The following NAALADL2 variants were observed in gnomAD, a reference collection of about 807,000 sequenced individuals.
NAALADL2 encodes N-acetylated alpha-linked acidic dipeptidase like 2.
NAALADL2 carries 76 observed loss-of-function variants against 87.2 expected under a neutral mutation model. That is an observed-to-expected ratio of 0.87 (90% CI 0.72 to 1.05). NAALADL2 has a LOEUF of 1.05. Among genes scored for constraint, NAALADL2 ranks in the 50% least tolerant of loss-of-function variants. The pLI, the probability that NAALADL2 is intolerant of heterozygous loss-of-function variation, is 0.00. For synonymous variants in NAALADL2, 354 were observed against 331.0 expected (o/e 1.07, Z -0.75); for missense variants, 1,089 against 945.8 (o/e 1.15, Z -1.99).
At chr3:174,687,115 G>C (rs549402) in intron 2 of NAALADL2, among the ~76,000 whole-genome samples, 125,839 of 151,986 alleles carry the variant, frequency 0.83, 52,571 homozygotes, top group African/African-American at 0.94. Context: ...ATTCCTCTGA[G>C]TTTATCTCCT....
At chr3:175,586,474 G>T (rs1720556373) in intron 10 of NAALADL2, among the ~76,000 whole-genome samples, 1 of 152,176 alleles carries the variant, frequency 6.6e-6, no homozygotes, top group African/African-American at 2.4e-5. Context: ...AAATAATGCT[G>T]AAGAGAACAA....
intron 1 of NAALADL2, among the ~76,000 whole-genome samples, chr3:174,974,577 G>A (rs1307303804): frequency 6.6e-6 from 1 of 152,094 alleles, no homozygotes; most frequent in South Asian, 2.1e-4. Flanking sequence ...TTCCACCAAT[G>A]ATTATTTTTC....
chr3:175,412,555 C>G (rs745637157), intron 5 of NAALADL2, among the ~76,000 whole-genome samples: 1 of 152,058 alleles, frequency 6.6e-6, no homozygotes, highest in Non-Finnish European at 1.5e-5. Context: ...AAGAAATGAG[C>G]AGATTTACAT....
chr3:174,579,680 T>G (rs1450617194), intron 2 of NAALADL2, among the ~76,000 whole-genome samples: 6 of 152,106 alleles, frequency 3.9e-5, no homozygotes, highest in African/African-American at 7.2e-5. Context: ...TATACACTTA[T>G]GATTTTTGTA....
intron 9 of NAALADL2, among the ~76,000 whole-genome samples, chr3:175,563,407 G>GT (rs149231654): frequency 0.13 from 19,686 of 152,172 alleles, 1,375 homozygotes; most frequent in Middle Eastern, 0.17. Flanking sequence ...AAGAAAGAAT[G>GT]TTTTTTAGAA....
intron 11 of NAALADL2, among the ~76,000 whole-genome samples, chr3:175,711,348 G>C (rs778099155): frequency 4.0e-5 from 6 of 151,752 alleles, no homozygotes; most frequent in African/African-American, 7.3e-5. Flanking sequence ...AATTTTATCA[G>C]AATCGTACTT....
intron 11 of NAALADL2, among the ~76,000 whole-genome samples, chr3:175,672,392 T>C (rs868113686): frequency 2.2e-4 from 33 of 152,158 alleles, no homozygotes; most frequent in African/African-American, 7.2e-4. Flanking sequence ...TCTTATCCTG[T>C]GGATGCTATG....
intron 2 of NAALADL2, among the ~76,000 whole-genome samples, chr3:175,105,634 TACACACAGACACACACACAC>T (rs1334196747): frequency 9.5e-6 from 1 of 104,912 alleles, no homozygotes; most frequent in Non-Finnish European, 1.9e-5. Context: ...TATTTGAGAA[TACACACAGACACACACACAC>T]ACACACACAC....
At chr3:175,522,564 C>A (rs1247056195) in intron 9 of NAALADL2, among the ~76,000 whole-genome samples, 1 of 152,160 alleles carries the variant, frequency 6.6e-6, no homozygotes, top group Non-Finnish European at 1.5e-5. Context: ...TATGAGTTCT[C>A]AAATAAAATG....
intron 5 of NAALADL2, among the ~76,000 whole-genome samples, chr3:175,384,623 A>G (rs918787162): frequency 1.3e-5 from 2 of 151,926 alleles, no homozygotes; most frequent in African/African-American, 4.8e-5. Flanking sequence ...AATTATCCAC[A>G]CACCCATTGC....
At chr3:175,069,015 A>G (rs1462573303) in intron 1 of NAALADL2, among the ~76,000 whole-genome samples, 2 of 152,124 alleles carry the variant, frequency 1.3e-5, no homozygotes, top group African/African-American at 2.4e-5. Context: ...TTAATTCAAG[A>G]TGGATTAAAG....
intron 1 of NAALADL2, chr3:174,459,126 A>T (rs1019497338): frequency 5.9e-5 from 9 of 152,200 alleles, no homozygotes; most frequent in Admixed American, 1.3e-4. Context: ...TATTCTGATT[A>T]TATCTGTTCT....
chr3:175,152,148 G>A (rs1731637557), intron 2 of NAALADL2, among the ~76,000 whole-genome samples: 1 of 152,116 alleles, frequency 6.6e-6, no homozygotes, highest in South Asian at 2.1e-4. Context: ...GTTATCGACA[G>A]TAATACCAAA....
chr3:174,711,347 C>T (rs1289327450), intron 2 of NAALADL2, among the ~76,000 whole-genome samples: 2 of 152,180 alleles, frequency 1.3e-5, no homozygotes, highest in African/African-American at 2.4e-5. Flanking sequence ...CATCCCTCCA[C>T]CCACCTCCAT....
chr3:174,515,511 T>G (rs1381775061), intron 1 of NAALADL2, among the ~76,000 whole-genome samples: 2 of 152,042 alleles, frequency 1.3e-5, no homozygotes, highest in Non-Finnish European at 2.9e-5. Flanking sequence ...ACTTAGCACA[T>G]TTTACAGGGC....
chr3:175,738,609 C>A (rs11708081), intron 12 of NAALADL2, among the ~76,000 whole-genome samples: 21,168 of 152,002 alleles, frequency 0.14, 1,559 homozygotes, highest in Middle Eastern at 0.19. Flanking sequence ...CTCCATTTTT[C>A]CCCCTCAATA....
At chr3:174,713,818 G>C (rs1287808285) in intron 2 of NAALADL2, among the ~76,000 whole-genome samples, 1 of 152,060 alleles carries the variant, frequency 6.6e-6, no homozygotes, top group African/African-American at 2.4e-5. Flanking sequence ...GATCCCATTT[G>C]TCAATTTTGT....
chr3:174,461,963 G>C (rs994176150), intron 1 of NAALADL2, among the ~76,000 whole-genome samples: 10 of 151,982 alleles, frequency 6.6e-5, no homozygotes, highest in Admixed American at 5.2e-4. Flanking sequence ...ATAGCAATTT[G>C]AGATGGATAT....
chr3:174,552,835 A>G (rs1323027628), intron 2 of NAALADL2, among the ~76,000 whole-genome samples: 1 of 147,404 alleles, frequency 6.8e-6, no homozygotes, highest in Non-Finnish European at 1.5e-5. Context: ...TCAATAATGT[A>G]TGGAGTTAGC....
Sources: allele counts gnomAD v4.1 joint callset (sites outside exome capture counted in the v4.1 genomes callset), GRCh38; gene constraint gnomAD v4.1.1; transcripts MANE v1.5; gene names NCBI Gene and HGNC (gene_info 2026-07-23, HGNC 2026-07-21).